Variants in LAMA2 observed in about 807,000 individuals in gnomAD.
LAMA2 encodes the protein laminin subunit alpha 2.
A neutral mutation model predicts 364.8 loss-of-function variants in LAMA2; 269 were observed. That is an observed-to-expected ratio of 0.74 (90% CI 0.67 to 0.82). The LOEUF is 0.82. LAMA2 is among the 40% of genes least tolerant of loss of function. LAMA2 has a pLI of 0.00. For synonymous variants in LAMA2, 1,379 were observed against 1,370.6 expected, an observed-to-expected ratio of 1.01 and a Z score of -0.14; for missense variants, 3,807 against 3,873.2, an observed-to-expected ratio of 0.98 and a Z score of 0.45.
chr6:129,427,570 C>T (rs1377120899), intron 40 of LAMA2, among the ~76,000 whole-genome samples, 182 bp from the exon 41 acceptor site: 2 of 152,218 alleles, frequency 1.3e-5, no homozygotes, highest in Non-Finnish European at 2.9e-5. Flanking sequence ...ATCTTCTTCT[C>T]ATACCGTAAT....
intron 18 of LAMA2, among the ~76,000 whole-genome samples, chr6:129,287,486 T>C (rs1310423697): frequency 6.6e-6 from 1 of 152,056 alleles, no homozygotes; most frequent in Admixed American, 6.6e-5. Flanking sequence ...GTAGAGAAAA[T>C]AACCAATTGG....
intron 4 of LAMA2, among the ~76,000 whole-genome samples, chr6:129,129,298 G>T (rs1419982593): frequency 6.6e-6 from 1 of 152,184 alleles, no homozygotes; most frequent in Admixed American, 6.5e-5. Flanking sequence ...TTTTGAAAGA[G>T]ATGCACTCAT....
rs547198058 is a variant in LAMA2, at chr6:128,888,799, G to A, written c.112+5442G>A. Among the ~76,000 whole-genome samples, 15 of 152,236 alleles carry A rather than the reference G, an allele frequency of 9.9e-5. No individual in the cohort carries two copies. In the South Asian group the frequency reaches 2.7e-3, roughly 27 times the overall value. ...TGTCTGAGTGAGATGAGGAGGCATCGGTGAGTTTTAACAGAGTTAAATAAA... is the reference window on the plus strand; with the variant it reads ...TGTCTGAGTGAGATGAGGAGGCATCAGTGAGTTTTAACAGAGTTAAATAAA... On this transcript the variant is annotated intron_variant, in intron 1 of 64. Transcript: ENST00000421865.
intron 47 of LAMA2, among the ~76,000 whole-genome samples, chr6:129,455,723 G>A (rs1433369262): frequency 6.6e-6 from 1 of 152,140 alleles, no homozygotes; most frequent in African/African-American, 2.4e-5. Flanking sequence ...GAACTTCTAT[G>A]CAATTTGTAC....
chr6:128,954,513 T>C (rs1397723382), intron 1 of LAMA2, among the ~76,000 whole-genome samples: 1 of 152,058 alleles, frequency 6.6e-6, no homozygotes, highest in Admixed American at 6.6e-5. Context: ...GTAACAGTCA[T>C]CATATTTGGT....
At chr6:129,088,657 C>G (rs1381667068) in intron 3 of LAMA2, among the ~76,000 whole-genome samples, 3 of 147,966 alleles carry the variant, frequency 2.0e-5, no homozygotes, top group Non-Finnish European at 4.5e-5. Context: ...GGCGGAGGGG[C>G]TCCTCACTTC....
At chr6:129,416,685 C>T (rs1562544194) in intron 40 of LAMA2, among the ~76,000 whole-genome samples, 1 of 152,302 alleles carries the variant, frequency 6.6e-6, no homozygotes, top group African/African-American at 2.4e-5. Flanking sequence ...GCACCTTTGC[C>T]TGAGTTTTGC....
At chr6:129,158,252 A>T in intron 8 of LAMA2, 1 of 1,614,090 alleles carries the variant, frequency 6.2e-7, no homozygotes, top group Non-Finnish European at 8.5e-7. Context: ...CCGCTATGAA[A>T]CCAAGTATGT....
chr6:129,037,739 T>G (rs540985618), intron 1 of LAMA2, among the ~76,000 whole-genome samples: 4 of 151,432 alleles, frequency 2.6e-5, no homozygotes, highest in Non-Finnish European at 5.9e-5. Context: ...GCGCGATCTC[T>G]GCTCACTGCA....
intron 4 of LAMA2, among the ~76,000 whole-genome samples, chr6:129,137,638 TA>T (rs1203184927): frequency 1.3e-5 from 2 of 152,086 alleles, no homozygotes; most frequent in Admixed American, 6.6e-5. Context: ...AAAATACAGT[TA>T]AAATATATAC....
Position 128,957,713 on chromosome 6 carries a change from G to T in LAMA2, c.112+74356G>T, listed in dbSNP as rs528219366. ...TGATGATCTTGTTGGCTGTCTCCGT[G>T]GCTGGATGAGTTGTCTCGAAGAGCA... On this transcript the variant is annotated intron_variant, in intron 1 of 64. Transcript: ENST00000421865. Among the ~76,000 whole-genome samples, 17 of 152,026 alleles carry T rather than the reference G, an allele frequency of 1.1e-4. No homozygotes were observed. In the South Asian group the frequency reaches 1.9e-3, roughly 17 times the overall value.
At chr6:129,482,085 C>T (rs1051356639) in intron 55 of LAMA2, among the ~76,000 whole-genome samples, 3 of 152,080 alleles carry the variant, frequency 2.0e-5, no homozygotes, top group Non-Finnish European at 2.9e-5. Flanking sequence ...GCAGGAGGAT[C>T]GTTTGAGCCC....
chr6:129,325,903 G>T (rs1583497934), intron 28 of LAMA2, among the ~76,000 whole-genome samples: 1 of 152,238 alleles, frequency 6.6e-6, no homozygotes, highest in Non-Finnish European at 1.5e-5. Flanking sequence ...GCAGTGGCCA[G>T]ATCTCAGCTT....
At chr6:129,511,481 G>A (rs1247089028) in intron 62 of LAMA2, among the ~76,000 whole-genome samples, 2 of 152,008 alleles carry the variant, frequency 1.3e-5, no homozygotes, top group Admixed American at 1.3e-4. Context: ...ACCCACCTTT[G>A]CCAATCCAAA....
At chr6:129,353,436 C>T (rs1776972921) in intron 32 of LAMA2, 79 bp downstream of exon 32, 1 of 1,152,684 alleles carries the variant, frequency 8.7e-7, no homozygotes. Context: ...AAGAGTGACT[C>T]TCCCCGCCCG....
At chr6:129,130,794 G>A (rs142099702) in intron 4 of LAMA2, among the ~76,000 whole-genome samples, 2 of 152,074 alleles carry the variant, frequency 1.3e-5, no homozygotes, top group African/African-American at 4.8e-5. Context: ...AATTTTTACA[G>A]GTGCCATTTT....
At chr6:129,266,038 C>T (rs989234427) in intron 15 of LAMA2, among the ~76,000 whole-genome samples, 8 of 152,128 alleles carry the variant, frequency 5.3e-5, no homozygotes, top group African/African-American at 1.7e-4. Flanking sequence ...AACATTTCCA[C>T]GGAGCATAAC....
intron 1 of LAMA2, among the ~76,000 whole-genome samples, chr6:128,987,134 T>TG (rs1344687055): frequency 4.4e-5 from 2 of 44,944 alleles, no homozygotes; most frequent in African/African-American, 6.5e-5. Flanking sequence ...TTGTTTTTTT[T>TG]TTTTTGTTTT....
Position 129,059,020 on chromosome 6 carries a change from G to A in LAMA2, c.284-764G>A, listed in dbSNP as rs372763139. 1.7e-4 allele frequency among the ~76,000 whole-genome samples: 26 copies of A among 152,280 alleles called. No individual in the cohort carries two copies. In the South Asian group the frequency reaches 1.9e-3, roughly 11 times the overall value. ...TAACAAAAGTCTGTTCAGGTGTGCC[G>A]ACAGACTTCAGTCTCTCTTCATGTG... On this transcript the variant is annotated intron_variant, in intron 2 of 64. Coordinates refer to ENST00000421865, the MANE Select transcript of LAMA2 (RefSeq NM_000426.4).
Sources: gnomAD v4.1 joint callset for allele counts (sites outside exome capture counted in the v4.1 genomes callset) on GRCh38, gnomAD v4.1.1 for gene constraint, MANE v1.5 for transcripts, NCBI Gene and HGNC (gene_info 2026-07-23, HGNC 2026-07-21) for gene names.